Variants in TMEM132D observed in about 807,000 individuals in gnomAD.
The protein encoded by TMEM132D is transmembrane protein 132D.
A neutral mutation model predicts 62.3 loss-of-function variants in TMEM132D; 21 were observed. That is an observed-to-expected ratio of 0.34 (90% CI 0.24 to 0.49). The LOEUF (loss-of-function observed/expected upper bound fraction) is 0.49, where lower values mean the gene tolerates loss of function less well. TMEM132D is among the 20% of genes least tolerant of loss of function. TMEM132D has a pLI of 0.99. For missense variants in TMEM132D, 1,346 were observed against 1,402.8 expected (o/e 0.96, Z 0.65); for synonymous variants, 621 against 575.6 (o/e 1.08, Z -1.13).
intron 4 of TMEM132D, among the ~76,000 whole-genome samples, chr12:129,219,701 T>C (rs868026398): frequency 6.6e-6 from 1 of 152,264 alleles, no homozygotes; most frequent in Non-Finnish European, 1.5e-5. Context: ...GAAGTAATTC[T>C]TCTTCACTCA....
At chr12:129,276,319 T>C (rs1881007070) in intron 4 of TMEM132D, among the ~76,000 whole-genome samples, 1 of 152,246 alleles carries the variant, frequency 6.6e-6, no homozygotes, top group Admixed American at 6.5e-5. Context: ...AACTCAGTTA[T>C]CGGCAACTCT....
chr12:129,566,077 C>T (rs577928552), intron 2 of TMEM132D, among the ~76,000 whole-genome samples: 18 of 152,288 alleles, frequency 1.2e-4, no homozygotes, highest in Admixed American at 6.5e-4. Context: ...GAGCTGTAAG[C>T]TAAGTTTGAG....
intron 4 of TMEM132D, among the ~76,000 whole-genome samples, chr12:129,218,998 C>A (rs770890147): frequency 3.9e-5 from 6 of 152,144 alleles, no homozygotes; most frequent in Non-Finnish European, 7.3e-5. Context: ...TTACAGGTTT[C>A]CCCGGGTGTG....
chr12:129,554,082 G>A (rs1328142686), intron 2 of TMEM132D, among the ~76,000 whole-genome samples: 1 of 152,218 alleles, frequency 6.6e-6, no homozygotes, highest in Non-Finnish European at 1.5e-5. Context: ...CGGAATTCCT[G>A]TCTTCTCCAT....
intron 5 of TMEM132D, among the ~76,000 whole-genome samples, chr12:129,149,059 G>A (rs1876998453): frequency 6.6e-6 from 1 of 151,906 alleles, no homozygotes. Flanking sequence ...AAGAAAGAAT[G>A]AGTTCATGTC....
chr12:129,723,547 G>A (rs1024788609), intron 1 of TMEM132D, among the ~76,000 whole-genome samples: 8 of 152,158 alleles, frequency 5.3e-5, no homozygotes, highest in Non-Finnish European at 1.2e-4. Flanking sequence ...TGAGGTTTTG[G>A]CCACCATTGC....
intron 2 of TMEM132D, among the ~76,000 whole-genome samples, chr12:129,658,159 G>A (rs1027873283): frequency 7.2e-5 from 11 of 152,158 alleles, no homozygotes; most frequent in African/African-American, 2.2e-4. Context: ...AAAACTATGC[G>A]AAGACAATAG....
intron 3 of TMEM132D, among the ~76,000 whole-genome samples, chr12:129,406,118 A>G (rs184241498): frequency 6.9e-4 from 105 of 152,360 alleles, no homozygotes; most frequent in African/African-American, 2.5e-3. Context: ...CATAAGTCAG[A>G]TATTTGCATC....
intron 3 of TMEM132D, among the ~76,000 whole-genome samples, chr12:129,382,283 T>A (rs1273230290): frequency 1.3e-5 from 2 of 152,120 alleles, no homozygotes; most frequent in Non-Finnish European, 2.9e-5. Flanking sequence ...TGTGTCACAG[T>A]TTTTTTAGCA....
At chr12:129,514,623 A>G (rs1274902697) in intron 3 of TMEM132D, among the ~76,000 whole-genome samples, 1 of 152,214 alleles carries the variant, frequency 6.6e-6, no homozygotes, top group African/African-American at 2.4e-5. Flanking sequence ...CATCCCGAAC[A>G]TTCATCTTTG....
chr12:129,133,349 C>A (rs1236814715), intron 5 of TMEM132D, among the ~76,000 whole-genome samples: 2 of 152,196 alleles, frequency 1.3e-5, no homozygotes, highest in East Asian at 3.8e-4. Flanking sequence ...GATCAAATGT[C>A]CATCAGTAGA....
In TMEM132D at chr12:129,420,623, G is replaced by T. The variant is rs144865041; in HGVS notation, c.1116-82806C>A. ...TGAAGTCCTGCAGGAAGTTACAAAG[G>T]CAAATAATTAACCCCACTGCCAAGG... On this transcript the variant is annotated intron_variant, in intron 3 of 8. Coordinates refer to ENST00000422113, the MANE Select transcript of TMEM132D (RefSeq NM_133448.3). 2.9e-3 allele frequency among the ~76,000 whole-genome samples: 439 copies of T among 152,264 alleles called. 3 individuals carry two copies. The highest frequency in any genetic ancestry group is 0.01 in the Middle Eastern group (3 of 294).
At chr12:129,148,999 T>TA (rs1207528271) in intron 5 of TMEM132D, among the ~76,000 whole-genome samples, 1 of 152,160 alleles carries the variant, frequency 6.6e-6, no homozygotes, top group African/African-American at 2.4e-5. Context: ...GACTTTTTTT[T>TA]AATGAAAAAT....
At chr12:129,311,973 G>A (rs746810802) in intron 4 of TMEM132D, among the ~76,000 whole-genome samples, 3 of 152,164 alleles carry the variant, frequency 2.0e-5, no homozygotes, top group South Asian at 4.1e-4. Context: ...AAGTGTGGAC[G>A]CAATTGTGTG....
intron 4 of TMEM132D, among the ~76,000 whole-genome samples, chr12:129,234,374 C>T (rs1206848505): frequency 2.0e-5 from 3 of 152,158 alleles, no homozygotes. Flanking sequence ...GGATTCCAAT[C>T]CTGTCTCATT....
intron 2 of TMEM132D, among the ~76,000 whole-genome samples, chr12:129,580,254 A>G (rs1252935389): frequency 6.6e-6 from 1 of 152,204 alleles, no homozygotes; most frequent in African/African-American, 2.4e-5. Context: ...TAAGACACAC[A>G]GCCTAAGTGA....
intron 1 of TMEM132D, among the ~76,000 whole-genome samples, chr12:129,897,761 T>C (rs1219729868): frequency 2.6e-5 from 4 of 152,202 alleles, no homozygotes; most frequent in African/African-American, 9.6e-5. Context: ...TTTATTCATT[T>C]GCTCAACAAA....
chr12:129,190,192 A>G, intron 5 of TMEM132D, among the ~76,000 whole-genome samples: 1 of 87,632 alleles, frequency 1.1e-5, no homozygotes, highest in African/African-American at 4.8e-5. Context: ...CTGCAGATGG[A>G]GGGAGGGAGT....
chr12:129,171,306 C>T (rs896578188), intron 5 of TMEM132D, among the ~76,000 whole-genome samples: 1 of 152,192 alleles, frequency 6.6e-6, no homozygotes, highest in Non-Finnish European at 1.5e-5. Context: ...GGCTCTACTT[C>T]TACTTCTAGT....
Sources: allele counts gnomAD v4.1 joint callset (sites outside exome capture counted in the v4.1 genomes callset), GRCh38; gene constraint gnomAD v4.1.1; transcripts MANE v1.5; gene names NCBI Gene and HGNC (gene_info 2026-07-23, HGNC 2026-07-21).